The following DNAAF9 variants were observed in gnomAD, a reference collection of about 807,000 sequenced individuals.
DNAAF9 encodes shulin.
Under a neutral mutation model 167.0 loss-of-function variants are expected in DNAAF9, and 90 were observed. That is an observed-to-expected ratio of 0.54 (90% CI 0.45 to 0.64). The LOEUF is 0.64. Ranked by LOEUF, DNAAF9 falls within the 30% of genes least tolerant of loss-of-function variation. DNAAF9 has a pLI of 0.00. For synonymous variants in DNAAF9, 491 were observed against 508.8 expected (o/e 0.96, Z 0.47); for missense variants, 1,315 against 1,442.2 (o/e 0.91, Z 1.43).
intron 6 of DNAAF9, among the ~76,000 whole-genome samples, chr20:3,370,880 T>C (rs1157585715): frequency 4.6e-5 from 7 of 152,274 alleles, no homozygotes; most frequent in African/African-American, 1.7e-4. Flanking sequence ...ATCTCTTCTT[T>C]GTTTTTCCTA....
intron 3 of DNAAF9, among the ~76,000 whole-genome samples, chr20:3,380,543 T>C (rs1318516446): frequency 6.6e-6 from 1 of 152,186 alleles, no homozygotes; most frequent in African/African-American, 2.4e-5. Context: ...TGGCATCCCC[T>C]ACCCAGTTTT....
intron 31 of DNAAF9, 76 bp downstream of exon 31, chr20:3,264,361 CT>C (rs146888657): frequency 0.029 from 16,261 of 552,768 alleles, no homozygotes; most frequent in South Asian, 0.038. Context: ...CACCTTCTCT[CT>C]TTTTTTTTTT....
At chr20:3,323,540 CAA>C (rs2069657389) in intron 14 of DNAAF9, among the ~76,000 whole-genome samples, 1 of 152,180 alleles carries the variant, frequency 6.6e-6, no homozygotes, top group East Asian at 1.9e-4. Flanking sequence ...CTTGGCCTCC[CAA>C]AGTGTTAAGA....
intron 28 of DNAAF9, among the ~76,000 whole-genome samples, chr20:3,281,110 C>T (rs7272399): frequency 6.6e-6 from 1 of 152,130 alleles, no homozygotes. Flanking sequence ...CTCACTGCAA[C>T]CTCCACCTCC....
intron 31 of DNAAF9, among the ~76,000 whole-genome samples, chr20:3,262,846 G>GT (rs1169010882): frequency 6.6e-6 from 1 of 151,158 alleles, no homozygotes; most frequent in Admixed American, 6.6e-5. Context: ...CTTACTCACT[G>GT]TTTAAGTATG....
chr20:3,388,396 G>A (rs2083780580), intron 1 of DNAAF9, among the ~76,000 whole-genome samples: 1 of 152,086 alleles, frequency 6.6e-6, no homozygotes, highest in Non-Finnish European at 1.5e-5. Flanking sequence ...TTCCAGTTCT[G>A]GGTATAAATT....
intron 1 of DNAAF9, among the ~76,000 whole-genome samples, chr20:3,400,902 T>C (rs965469): frequency 0.19 from 29,431 of 152,190 alleles, 3,036 homozygotes; most frequent in African/African-American, 0.23. Context: ...CATACAAGTC[T>C]AAGTAAGCAT....
In DNAAF9 at chr20:3,252,190, C is replaced by A. The variant is rs986904796; in HGVS notation, c.*382G>T. On this transcript the variant is annotated 3_prime_UTR_variant, in exon 37 of 37. Transcript: ENST00000252032. ...TGGCCTCGCCTCCCAGACACGGCCA[C>A]AGTTCAGGCAGCCAGGGTTCCTTCT... The A allele has an allele frequency of 1.9e-5, 3 of 158,382 alleles. No homozygotes were observed. In the Admixed American group the frequency reaches 1.9e-4, roughly 10 times the overall value. 9.8% of individuals were successfully genotyped at this position (158,382 alleles called of 1,614,324 possible).
At position 3,251,123 on chromosome 20, in the gene DNAAF9, T is replaced by C. The variant is rs2068187230; in HGVS notation, c.*1449A>G. On this transcript the variant is annotated 3_prime_UTR_variant, in exon 37 of 37. Coordinates refer to ENST00000252032, the MANE Select transcript of DNAAF9 (RefSeq NM_001009984.3). ...CTTATCAATGGTATCTGGAGTTTTG[T>C]TCATTTGGCTTCAAATTGTTTTTTT... is the stretch of plus-strand genomic sequence containing the variant. 1 of 152,060 alleles carries C rather than the reference T, an allele frequency of 6.6e-6. No individual in the cohort carries two copies. The highest frequency in any genetic ancestry group is 2.4e-5 in the African/African-American group (1 of 41,406). 9.4% of individuals were successfully genotyped at this position (152,060 alleles called of 1,614,324 possible). A position where few individuals can be genotyped will look rare whatever the true frequency, so the allele number is the denominator to read the frequency against.
At chr20:3,360,962 G>A (rs1414646240) in intron 6 of DNAAF9, among the ~76,000 whole-genome samples, 1 of 152,150 alleles carries the variant, frequency 6.6e-6, no homozygotes, top group Non-Finnish European at 1.5e-5. Flanking sequence ...CAAAACCTGA[G>A]CTAAAAACAA....
chr20:3,258,508 A>G (rs1281498217), intron 33 of DNAAF9, among the ~76,000 whole-genome samples: 1 of 152,150 alleles, frequency 6.6e-6, no homozygotes, highest in African/African-American at 2.4e-5. Context: ...CAATCCAATG[A>G]GATAAGTCGG....
rs139354576 is a variant in DNAAF9 at position 3,353,200 on chromosome 20, C to T, written c.691-4577G>A. ...CCCACAACATCCTGACATTTGTCTG[C>T]TCTCTCTCTCTGATACTCATAATGC... On this transcript the variant is annotated intron_variant, in intron 7 of 36. Coordinates refer to ENST00000252032, the MANE Select transcript of DNAAF9 (RefSeq NM_001009984.3). Among the ~76,000 whole-genome samples the T allele has an allele frequency of 5.5e-3, 830 of 151,304 alleles. 2 individuals are homozygous for T. The highest frequency in any genetic ancestry group is 6.8e-3 in the Middle Eastern group (2 of 294).
chr20:3,297,992 A>C, intron 22 of DNAAF9, 37 bp downstream of exon 22: 1 of 1,545,846 alleles, frequency 6.5e-7, no homozygotes, highest in Non-Finnish European at 8.9e-7. Flanking sequence ...GGGAAAAAAA[A>C]GTAGTAGTAG....
At chr20:3,373,742 T>C (rs962402957) in intron 6 of DNAAF9, among the ~76,000 whole-genome samples, 2 of 152,004 alleles carry the variant, frequency 1.3e-5, no homozygotes, top group African/African-American at 4.8e-5. Flanking sequence ...AATAACAGGA[T>C]CATAAAAGCT....
intron 31 of DNAAF9, among the ~76,000 whole-genome samples, chr20:3,261,556 T>C (rs1190671057): frequency 6.7e-6 from 1 of 149,670 alleles, no homozygotes; most frequent in African/African-American, 2.5e-5. Context: ...TTAATAGAGA[T>C]GGGGTTTCAC....
At chr20:3,309,451 T>C (rs1473089601) in intron 20 of DNAAF9, among the ~76,000 whole-genome samples, 1 of 152,200 alleles carries the variant, frequency 6.6e-6, no homozygotes, top group Non-Finnish European at 1.5e-5. Context: ...TAGAAATATG[T>C]TATCTATCTA....
Position 3,304,501 on chromosome 20 carries a change from C to T in DNAAF9, c.1721G>A (p.Cys574Tyr). Reference sequence around the variant, plus strand: ...GGAAATGATGATACTTCTATGACGACAGTGAGAAAACAGAAGGCCACTAGA... The same window carrying T: ...GGAAATGATGATACTTCTATGACGATAGTGAGAAAACAGAAGGCCACTAGA... ...FFSSGLLFSHCRHRSIIISKD... is the reference protein window; with the variant it reads ...FFSSGLLFSHYRHRSIIISKD... The change falls in exon 21 of 37, where the codon TGT (cysteine) becomes TAT (tyrosine). Residue 574 changes from cysteine (C) to tyrosine (Y), a missense_variant. Cys to Tyr is a radical substitution (Grantham distance 194). Transcript: ENST00000252032. 1 of 1,523,852 alleles carries T rather than the reference C, an allele frequency of 6.6e-7. No individual in the cohort carries two copies. Among genetic ancestry groups the T allele is most frequent in the East Asian group, 2.3e-5 (1 of 44,336 alleles). 94.4% of individuals were successfully genotyped at this position (1,523,852 alleles called of 1,614,324 possible).
intron 29 of DNAAF9, among the ~76,000 whole-genome samples, chr20:3,277,357 T>C (rs2068691720): frequency 6.6e-6 from 1 of 152,192 alleles, no homozygotes; most frequent in Admixed American, 6.5e-5. Context: ...TCTCTTTCGG[T>C]GTCCTGGAAC....
intron 6 of DNAAF9, among the ~76,000 whole-genome samples, chr20:3,368,147 G>A (rs2083454100): frequency 6.6e-6 from 1 of 152,148 alleles, no homozygotes; most frequent in Non-Finnish European, 1.5e-5. Context: ...ACTGGGGCAA[G>A]GGGAATCTTT....
Sources: allele counts gnomAD v4.1 joint callset (sites outside exome capture counted in the v4.1 genomes callset), GRCh38; gene constraint gnomAD v4.1.1; transcripts MANE v1.5; gene names NCBI Gene and HGNC (gene_info 2026-07-23, HGNC 2026-07-21).